The following LDLRAD4 variants were observed in gnomAD, a reference collection of about 807,000 sequenced individuals.
LDLRAD4 encodes low density lipoprotein receptor class A domain containing 4.
Under a neutral mutation model 17.0 loss-of-function variants are expected in LDLRAD4, and 5 were observed. The observed-to-expected ratio is 0.29, with a 90% CI of 0.15 to 0.62. The LOEUF is 0.62. Ranked by LOEUF, LDLRAD4 falls within the 20% of genes least tolerant of loss-of-function variation. The pLI, the probability that LDLRAD4 is intolerant of heterozygous loss-of-function variation, is 0.84. For synonymous variants in LDLRAD4, 168 were observed against 171.8 expected (o/e 0.98, Z 0.17); for missense variants, 340 against 424.7 (o/e 0.80, Z 1.75).
intron 3 of LDLRAD4, chr18:13,616,262 G>GT (rs1568411106): frequency 2.4e-4 from 36 of 150,722 alleles, no homozygotes; most frequent in African/African-American, 8.3e-4. Flanking sequence ...GGGGGGGGGG[G>GT]GGTTGCCACA....
At position 13,226,180 on chromosome 18, in the gene LDLRAD4, C is replaced by CTCTTTT. The variant is rs71370946; in HGVS notation, c.-467+7193_-467+7194insCTTTTT. 1.5e-4 allele frequency among the ~76,000 whole-genome samples: 8 copies of CTCTTTT among 52,210 alleles called. 1 individual carries two copies. The highest frequency in any genetic ancestry group is 6.2e-4 in the African/African-American group (8 of 12,852). The allele number at this position is 52,210 out of a possible 152,430, so 34.3% of individuals were successfully genotyped here. ...GGACTACAGATGCTGCCATGCCTTG[C>CTCTTTT]TTTTTTTTTTTTTTTTTTTTTGTAG... On this transcript the variant is annotated intron_variant, in intron 1 of 5. Transcript: ENST00000399848.
At chr18:13,311,955 C>T (rs1419251028) in intron 1 of LDLRAD4, among the ~76,000 whole-genome samples, 1 of 152,024 alleles carries the variant, frequency 6.6e-6, no homozygotes, top group Non-Finnish European at 1.5e-5. Context: ...CCTCAGCCTC[C>T]CGAGTAGCTG....
chr18:13,572,255 G>A (rs554896554), intron 3 of LDLRAD4, among the ~76,000 whole-genome samples: 10 of 152,272 alleles, frequency 6.6e-5, no homozygotes, highest in South Asian at 2.1e-4. Context: ...TAGTGCTTTC[G>A]TTGATGGTTT....
chr18:13,590,149 G>T (rs771404095), intron 3 of LDLRAD4, among the ~76,000 whole-genome samples: 14 of 151,742 alleles, frequency 9.2e-5, no homozygotes, highest in Non-Finnish European at 1.9e-4. Flanking sequence ...GTGTGCGTGG[G>T]TGTGGGTACG....
rs557589120 is a variant in LDLRAD4, at chr18:13,347,017, T to C, written c.-382-40324T>C. Among the ~76,000 whole-genome samples the C allele has an allele frequency of 4.7e-4, 71 of 152,324 alleles. 2 individuals carry two copies. The East Asian group carries it at 0.012, about 26-fold the overall frequency. The stretch of plus-strand genomic sequence containing the variant: ...TACAGCACACTGATGGGTCTTGACT[T>C]TTTATCCAATTTGCCAGTCTGTGTT... On this transcript the variant is annotated intron_variant, in intron 1 of 5. Coordinates refer to ENST00000359446, the Ensembl canonical transcript of LDLRAD4.
chr18:13,223,720 C>G (rs1259369811), intron 1 of LDLRAD4, among the ~76,000 whole-genome samples: 1 of 152,200 alleles, frequency 6.6e-6, no homozygotes, highest in Non-Finnish European at 1.5e-5. Context: ...CTTCTGTAGC[C>G]TCTCCTGTGT....
intron 3 of LDLRAD4, among the ~76,000 whole-genome samples, chr18:13,501,640 G>A (rs185891604): frequency 5.3e-5 from 8 of 152,024 alleles, no homozygotes; most frequent in Admixed American, 4.6e-4. Flanking sequence ...CCAGCCAGGT[G>A]GGTGGGTATT....
In LDLRAD4 at chr18:13,352,866, G is replaced by A. The variant is rs1033694401; in HGVS notation, c.-382-34475G>A. Among the ~76,000 whole-genome samples the A allele has an allele frequency of 2.0e-5, 3 of 151,926 alleles. No individual in the cohort carries two copies. In the South Asian group the frequency reaches 6.2e-4, roughly 32 times the overall value. ...CTTTTACCTGTTTGAGTTTGCTGTT[G>A]AGCTCCTGTAATATATTTTTGAAAA... is the stretch of plus-strand genomic sequence containing the variant. On this transcript the variant is annotated intron_variant, in intron 1 of 5. Coordinates refer to ENST00000359446, the Ensembl canonical transcript of LDLRAD4.
At chr18:13,540,583 A>G (rs537811730) in intron 3 of LDLRAD4, among the ~76,000 whole-genome samples, 1 of 152,188 alleles carries the variant, frequency 6.6e-6, no homozygotes, top group South Asian at 2.1e-4. Context: ...GCCTTTTCAG[A>G]GAGTTCCGTG....
intron 4 of LDLRAD4, 71 bp from the exon 6 acceptor site, chr18:13,643,288 A>T (rs2042763055): frequency 6.2e-6 from 6 of 973,282 alleles, no homozygotes; most frequent in South Asian, 1.6e-5. Context: ...TCATGTTTTT[A>T]GGTGCGGCGG....
chr18:13,601,578 C>T (rs896022359), intron 3 of LDLRAD4, among the ~76,000 whole-genome samples: 8 of 150,040 alleles, frequency 5.3e-5, no homozygotes, highest in African/African-American at 1.5e-4. Flanking sequence ...GGCATGAACC[C>T]GGGAGGCGGA....
intron 3 of LDLRAD4, among the ~76,000 whole-genome samples, chr18:13,580,325 C>T (rs910219264): frequency 6.6e-6 from 1 of 152,228 alleles, no homozygotes; most frequent in Non-Finnish European, 1.5e-5. Context: ...TGTGACCCCA[C>T]CTTGGCTTTC....
Position 13,645,018 on chromosome 18 carries a change from G to A in LDLRAD4, c.391-109G>A. On this transcript the variant is annotated intron_variant, in intron 5 of 5. Coordinates refer to ENST00000359446, the Ensembl canonical transcript of LDLRAD4. This position sits in a 1 kb window ranked among gnomAD's most constrained non-coding sequence, Gnocchi z 5.7. ...CTTTTTTTTTTTCCTGGGAGATGGT[G>A]TTCAAACTGGTAGGAACACACACCA... is the stretch of plus-strand genomic sequence containing the variant. The A allele has an allele frequency of 2.3e-6, 2 of 859,968 alleles. No individual in the cohort carries two copies. The highest frequency in any genetic ancestry group is 1.7e-5 in the South Asian group (1 of 57,350). 53.3% of individuals were successfully genotyped at this position (859,968 alleles called of 1,614,324 possible).
intron 2 of LDLRAD4, among the ~76,000 whole-genome samples, chr18:13,416,254 C>T (rs908875517): frequency 7.2e-5 from 11 of 152,330 alleles, no homozygotes; most frequent in East Asian, 1.9e-4. Context: ...CGAATGCCCA[C>T]GATTCTGTGT....
At chr18:13,450,262 T>C (rs2091719789) in intron 3 of LDLRAD4, among the ~76,000 whole-genome samples, 1 of 150,888 alleles carries the variant, frequency 6.6e-6, no homozygotes, top group African/African-American at 2.4e-5. Flanking sequence ...TCTGCTCTCA[T>C]GTTAGGAGAC....
chr18:13,533,150 C>A (rs944314736), intron 3 of LDLRAD4, among the ~76,000 whole-genome samples: 2 of 152,180 alleles, frequency 1.3e-5, no homozygotes, highest in Non-Finnish European at 2.9e-5. Flanking sequence ...AAGGTCCCTG[C>A]CCCTCACAGC....
Position 13,346,392 on chromosome 18 carries a change from T to G in LDLRAD4, c.-382-40949T>G, listed in dbSNP as rs1220998928. ...TTCCATGTAGTTGAGTGGTTTTGAG[T>G]GAGTTTCTTAATCCTGAGTTCTAGT... On this transcript the variant is annotated intron_variant, in intron 1 of 5. Coordinates refer to ENST00000359446, the Ensembl canonical transcript of LDLRAD4. Among the ~76,000 whole-genome samples the G allele has an allele frequency of 2.0e-5, 3 of 152,298 alleles. No individual in the cohort carries two copies. In the East Asian group the frequency reaches 5.8e-4, roughly 29 times the overall value.
intron 3 of LDLRAD4, among the ~76,000 whole-genome samples, chr18:13,558,246 A>T (rs900822255): frequency 2.6e-5 from 4 of 152,214 alleles, no homozygotes; most frequent in African/African-American, 9.7e-5. Flanking sequence ...CATAGTTCCC[A>T]GTAGGTGTCA....
intron 1 of LDLRAD4, among the ~76,000 whole-genome samples, chr18:13,292,338 C>A (rs984919675): frequency 6.6e-6 from 1 of 152,194 alleles, no homozygotes; most frequent in Non-Finnish European, 1.5e-5. Flanking sequence ...CTGTGATCTG[C>A]GCTCTGTTCC....
Sources: allele counts gnomAD v4.1 joint callset (sites outside exome capture counted in the v4.1 genomes callset), GRCh38; gene constraint gnomAD v4.1.1; non-coding constraint Gnocchi (gnomAD v3.1); transcripts MANE v1.5; gene names NCBI Gene and HGNC (gene_info 2026-07-23, HGNC 2026-07-21).